Variants in RUNX1 observed in about 807,000 individuals in gnomAD.
RUNX1 encodes the protein runt-related transcription factor 1.
RUNX1 carries 19 observed loss-of-function variants against 42.8 expected under a neutral mutation model. The ratio of observed to expected loss-of-function variants is 0.44; its 90% CI spans 0.31 to 0.65. RUNX1 has a LOEUF of 0.65. Among genes scored for constraint, RUNX1 ranks in the 30% least tolerant of loss-of-function variants. The pLI, the probability that RUNX1 is intolerant of heterozygous loss-of-function variation, is 0.07. For missense variants in RUNX1, 528 were observed against 672.0 expected, an observed-to-expected ratio of 0.79 and a Z score of 2.37; for synonymous variants, 271 against 289.4, an observed-to-expected ratio of 0.94 and a Z score of 0.64.
At position 34,852,137 on chromosome 21, in the gene RUNX1, C is replaced by T. The variant is rs191826496; in HGVS notation, c.613+7337G>A. 8.9e-4 allele frequency among the ~76,000 whole-genome samples: 135 copies of T among 152,254 alleles called. No individual in the cohort carries two copies. In the Middle Eastern group the frequency reaches 0.01, roughly 12 times the overall value. ...GAGCTGAGATGGCGCCACTGCACTC[C>T]AGCCTGGGCGAAAGAGCAAGACTCT... On this transcript the variant is annotated intron_variant, in intron 6 of 8. Transcript: ENST00000675419.
At chr21:34,930,268 A>ATGTG (rs141115974) in intron 2 of RUNX1, among the ~76,000 whole-genome samples, 45,311 of 121,138 alleles carry the variant, frequency 0.37, 8,814 homozygotes, top group East Asian at 0.52. Context: ...GTGTGTGTGT[A>ATGTG]TGTATATATA....
At chr21:34,868,856 T>C (rs1273033564) in intron 5 of RUNX1, among the ~76,000 whole-genome samples, 1 of 152,110 alleles carries the variant, frequency 6.6e-6, no homozygotes, top group African/African-American at 2.4e-5. Context: ...ATCTGATAAA[T>C]GAATGAATGA....
intron 2 of RUNX1, among the ~76,000 whole-genome samples, chr21:34,976,040 G>A (rs964034513): frequency 2.0e-5 from 3 of 151,622 alleles, no homozygotes; most frequent in Non-Finnish European, 4.4e-5. Context: ...CAAAATGTAG[G>A]TGAAAGCCAG....
rs555018545 is a variant in RUNX1, at chr21:34,792,755, G to A, written c.968-145C>T. 151 of 766,102 alleles carry A rather than the reference G, an allele frequency of 2.0e-4. 3 individuals carry two copies. Among genetic ancestry groups the A allele is most frequent in the South Asian group, 1.9e-3 (103 of 54,406 alleles). 47.5% of individuals were successfully genotyped at this position (766,102 alleles called of 1,614,324 possible). A position where few individuals can be genotyped will look rare whatever the true frequency, so the allele number is the denominator to read the frequency against. On this transcript the variant is annotated intron_variant, in intron 8 of 8. Transcript: ENST00000675419. This position sits in a 1 kb window ranked among gnomAD's most constrained non-coding sequence, Gnocchi z 6.9. ...CAGGATGCTACTGCTGGGGAGGACG[G>A]GGACCACCCGGGATGCTACTCCCAA...
At chr21:34,965,544 A>G (rs923464976) in intron 2 of RUNX1, among the ~76,000 whole-genome samples, 1 of 152,168 alleles carries the variant, frequency 6.6e-6, no homozygotes, top group Non-Finnish European at 1.5e-5. Flanking sequence ...AGAGAAAAAA[A>G]GCTTTTCCCA....
chr21:34,818,422 G>A (rs1004599123), intron 7 of RUNX1, among the ~76,000 whole-genome samples: 12 of 152,308 alleles, frequency 7.9e-5, no homozygotes, highest in African/African-American at 2.6e-4. Flanking sequence ...GCTGACCCCA[G>A]CATTTCCCGT....
intron 2 of RUNX1, among the ~76,000 whole-genome samples, chr21:34,969,168 C>T (rs1458688680): frequency 1.3e-5 from 2 of 152,156 alleles, no homozygotes; most frequent in African/African-American, 4.8e-5. Context: ...TCAAACACAA[C>T]CCTGTCTGAA....
chr21:34,938,614 T>C (rs190975870), intron 2 of RUNX1, among the ~76,000 whole-genome samples: 80 of 152,292 alleles, frequency 5.3e-4, no homozygotes, highest in Admixed American at 4.0e-3. Context: ...CTTTGCTATA[T>C]GTGGAGATCT....
chr21:34,942,901 CCT>C (rs2146638712), intron 2 of RUNX1, among the ~76,000 whole-genome samples: 1 of 152,306 alleles, frequency 6.6e-6, no homozygotes, highest in African/African-American at 2.4e-5. Context: ...GGAAAGTTTC[CCT>C]CTTTCTCCCC....
At chr21:34,960,676 G>A (rs1029582998) in intron 2 of RUNX1, among the ~76,000 whole-genome samples, 6 of 152,324 alleles carry the variant, frequency 3.9e-5, no homozygotes, top group East Asian at 1.9e-4. Context: ...GGCTGCAACC[G>A]TGGCTGAGTT....
At chr21:34,797,066 C>T (rs1423515467) in intron 8 of RUNX1, among the ~76,000 whole-genome samples, 1 of 152,228 alleles carries the variant, frequency 6.6e-6, no homozygotes, top group South Asian at 2.1e-4. Flanking sequence ...TTCCACCCCC[C>T]TCCTGCCTCC....
intron 7 of RUNX1, among the ~76,000 whole-genome samples, chr21:34,805,403 C>T (rs1163702913): frequency 6.6e-6 from 1 of 152,174 alleles, no homozygotes; most frequent in African/African-American, 2.4e-5. Context: ...AATACCAAAT[C>T]TACACCCAGG....
chr21:34,792,133 C>T lies in RUNX1; in HGVS notation c.*2G>A, dbSNP rs2056446489. ...GGGCCCAGCCGGGCCAGGCCTGGCG[C>T]CTCAGTAGGGCCTCCACACGGCCTC... is the stretch of plus-strand genomic sequence containing the variant. On this transcript the variant is annotated 3_prime_UTR_variant, in exon 9 of 9. Transcript: ENST00000675419. The surrounding 1 kb of genome is among the most constrained non-coding windows in gnomAD (Gnocchi z 6.9). 6.9e-7 allele frequency: 1 copy of T among 1,449,656 alleles called. No homozygotes were observed. Among genetic ancestry groups the T allele is most frequent in the East Asian group, 2.7e-5 (1 of 37,206 alleles). The allele number at this position is 1,449,656 out of a possible 1,614,324, so 89.8% of individuals were successfully genotyped here.
chr21:34,975,660 A>G (rs1259106865), intron 2 of RUNX1, among the ~76,000 whole-genome samples: 2 of 152,120 alleles, frequency 1.3e-5, no homozygotes, highest in Non-Finnish European at 2.9e-5. Context: ...AGTTGTCCAA[A>G]TGGTGAGCTG....
At chr21:34,819,912 CG>C (rs2056883616) in intron 7 of RUNX1, among the ~76,000 whole-genome samples, 1 of 152,254 alleles carries the variant, frequency 6.6e-6, no homozygotes, top group South Asian at 2.1e-4. Flanking sequence ...CTTAAAGGGC[CG>C]GGCTTGTGGG....
intron 2 of RUNX1, among the ~76,000 whole-genome samples, chr21:34,948,858 G>A (rs887685578): frequency 1.3e-5 from 2 of 152,118 alleles, no homozygotes; most frequent in Non-Finnish European, 2.9e-5. Context: ...CAATTCTCCT[G>A]CTTCAGCCTC....
chr21:34,996,878 A>G (rs2146856641), intron 2 of RUNX1, among the ~76,000 whole-genome samples: 1 of 152,308 alleles, frequency 6.6e-6, no homozygotes, highest in African/African-American at 2.4e-5. Context: ...TCCCAAACAT[A>G]AGAGTTTAGA....
chr21:34,887,833 G>C, intron 3 of RUNX1: 2 of 1,064,662 alleles, frequency 1.9e-6, no homozygotes, highest in Non-Finnish European at 2.3e-6. Flanking sequence ...TCAGTAGTTG[G>C]AGCAGTGCTG....
intron 2 of RUNX1, among the ~76,000 whole-genome samples, chr21:34,911,818 A>T (rs976970723): frequency 6.6e-6 from 1 of 152,090 alleles, no homozygotes; most frequent in Non-Finnish European, 1.5e-5. Context: ...TTTCTGCCTC[A>T]GGACCTTTTC....
Sources: allele counts gnomAD v4.1 joint callset (sites outside exome capture counted in the v4.1 genomes callset), GRCh38; gene constraint gnomAD v4.1.1; non-coding constraint Gnocchi (gnomAD v3.1); transcripts MANE v1.5; gene names NCBI Gene and HGNC (gene_info 2026-07-23, HGNC 2026-07-21).